Variants in LDLRAD4 observed in about 807,000 individuals in gnomAD.
LDLRAD4 encodes low-density lipoprotein receptor class A domain-containing protein 4.
In LDLRAD4, 5 loss-of-function variants were observed where a neutral mutation model predicts 17.0. That is an observed-to-expected ratio of 0.29 (90% CI 0.15 to 0.62). LDLRAD4 has a LOEUF of 0.62. LDLRAD4 is among the 20% of genes least tolerant of loss of function. The probability of loss-of-function intolerance (pLI) is 0.84; values close to 1 mark genes in which losing one functional copy is unlikely to be tolerated. For missense variants in LDLRAD4, 340 were observed against 424.7 expected (o/e 0.80, Z 1.75); for synonymous variants, 168 against 171.8 (o/e 0.98, Z 0.17).
Position 13,643,526 on chromosome 18 carries a change from A to G in LDLRAD4, c.390+114A>G, listed in dbSNP as rs931627014. 9.6e-6 allele frequency: 5 copies of G among 521,710 alleles called. No homozygotes were observed. In the African/African-American group the frequency reaches 9.9e-5, roughly 10 times the overall value. 32.3% of individuals were successfully genotyped at this position (521,710 alleles called of 1,614,324 possible). ...GGGAGGGGCCTCACCACGTGGGCTG[A>G]CACTTTTGGAGGAAGGCATTGCCTA... On this transcript the variant is annotated intron_variant, in intron 5 of 5. Coordinates refer to ENST00000359446, the Ensembl canonical transcript of LDLRAD4.
chr18:13,568,391 G>A (rs1262917608), intron 3 of LDLRAD4, among the ~76,000 whole-genome samples: 3 of 152,002 alleles, frequency 2.0e-5, no homozygotes, highest in Admixed American at 6.6e-5. Context: ...TATCTCTTTC[G>A]GCCCCACTCT....
At chr18:13,409,180 T>G (rs1005096100) in intron 2 of LDLRAD4, among the ~76,000 whole-genome samples, 3 of 152,180 alleles carry the variant, frequency 2.0e-5, no homozygotes, top group Non-Finnish European at 4.4e-5. Flanking sequence ...GTTTGTTTGT[T>G]TTTTCACTAG....
At chr18:13,240,729 GA>G (rs1328851447) in intron 1 of LDLRAD4, 1 of 152,302 alleles carries the variant, frequency 6.6e-6, no homozygotes, top group Non-Finnish European at 1.5e-5. Context: ...AGTGATCAGG[GA>G]CTCCCCTGTT....
chr18:13,634,773 CA>C (rs202132523), intron 4 of LDLRAD4, among the ~76,000 whole-genome samples: 5,163 of 121,846 alleles, frequency 0.042, 129 homozygotes, highest in East Asian at 0.083. Context: ...ACAATAATCT[CA>C]AAAAAAAAAA....
intron 1 of LDLRAD4, among the ~76,000 whole-genome samples, chr18:13,238,819 A>G (rs1479773869): frequency 6.6e-6 from 1 of 152,068 alleles, no homozygotes; most frequent in Non-Finnish European, 1.5e-5. Flanking sequence ...GCTCACTGAG[A>G]TGCCTCCTGC....
At chr18:13,302,106 A>G (rs1204497779) in intron 1 of LDLRAD4, among the ~76,000 whole-genome samples, 2 of 152,256 alleles carry the variant, frequency 1.3e-5, no homozygotes, top group Non-Finnish European at 2.9e-5. Context: ...TTTAACAACA[A>G]CAACAACACA....
intron 3 of LDLRAD4, among the ~76,000 whole-genome samples, chr18:13,592,526 GA>G (rs1401558929): frequency 6.6e-6 from 1 of 152,236 alleles, no homozygotes; most frequent in African/African-American, 2.4e-5. Context: ...GTAGCCACAT[GA>G]AAAGATCTGT....
chr18:13,621,051 A>C lies in LDLRAD4; in HGVS notation c.182-66A>C. On this transcript the variant is annotated intron_variant, in intron 3 of 5. Transcript: ENST00000359446. This position sits in a 1 kb window ranked among gnomAD's most constrained non-coding sequence, Gnocchi z 5.5. Reference sequence around the variant, plus strand: ...AGGGCCTGATGGCTGGGGTGGTGACAGTGCCTGGAGAATGGGTGGGGACTG... The same window carrying C: ...AGGGCCTGATGGCTGGGGTGGTGACCGTGCCTGGAGAATGGGTGGGGACTG... 6.2e-7 allele frequency: 1 copy of C among 1,610,080 alleles called. No homozygotes were observed. Among genetic ancestry groups the C allele is most frequent in the Non-Finnish European group, 8.5e-7 (1 of 1,177,186 alleles).
chr18:13,569,711 C>T (rs1389164410), intron 3 of LDLRAD4, among the ~76,000 whole-genome samples: 1 of 152,120 alleles, frequency 6.6e-6, no homozygotes, highest in African/African-American at 2.4e-5. Context: ...TGGTGAAACC[C>T]CTGTCTCTAC....
intron 2 of LDLRAD4, among the ~76,000 whole-genome samples, chr18:13,395,245 C>T (rs2145384274): frequency 6.6e-6 from 1 of 151,104 alleles, no homozygotes; most frequent in Non-Finnish European, 1.5e-5. Context: ...TAGTGGTGCT[C>T]GATAAATGTT....
intron 1 of LDLRAD4, among the ~76,000 whole-genome samples, chr18:13,346,728 C>A (rs2082713844): frequency 6.6e-6 from 1 of 152,150 alleles, no homozygotes; most frequent in South Asian, 2.1e-4. Flanking sequence ...CTTTGTAGGT[C>A]TCTAAGGACT....
At chr18:13,419,174 A>G (rs893042660) in intron 2 of LDLRAD4, among the ~76,000 whole-genome samples, 2 of 152,238 alleles carry the variant, frequency 1.3e-5, no homozygotes, top group African/African-American at 4.8e-5. Flanking sequence ...AATGGCATCT[A>G]TGCAGTTGGG....
chr18:13,332,001 G>C (rs765956726), intron 1 of LDLRAD4, among the ~76,000 whole-genome samples: 1 of 152,188 alleles, frequency 6.6e-6, no homozygotes, highest in Non-Finnish European at 1.5e-5. Context: ...GCACCTGCCA[G>C]ATGGCTTTAG....
intron 3 of LDLRAD4, chr18:13,471,750 C>T (rs1426398136): frequency 6.6e-6 from 1 of 152,388 alleles, no homozygotes; most frequent in African/African-American, 2.4e-5. Flanking sequence ...TGGGATGGCC[C>T]CGTGGCTTCT....
At chr18:13,547,675 C>T (rs1853538298) in intron 3 of LDLRAD4, among the ~76,000 whole-genome samples, 2 of 152,224 alleles carry the variant, frequency 1.3e-5, no homozygotes, top group South Asian at 2.1e-4. Context: ...CTGGACCAGG[C>T]ATACCACAAG....
chr18:13,567,401 T>C (rs2094619039), intron 3 of LDLRAD4, among the ~76,000 whole-genome samples: 2 of 152,240 alleles, frequency 1.3e-5, no homozygotes, highest in African/African-American at 4.8e-5. Context: ...TCGGCTTCAG[T>C]TCCTGAGGCC....
intron 1 of LDLRAD4, among the ~76,000 whole-genome samples, chr18:13,297,286 A>T (rs1039350429): frequency 7.9e-5 from 12 of 152,128 alleles, no homozygotes; most frequent in Non-Finnish European, 2.9e-5. Flanking sequence ...CGAGGTGGGG[A>T]TCATAGCACC....
At chr18:13,459,089 G>T (rs2092295889) in intron 3 of LDLRAD4, among the ~76,000 whole-genome samples, 1 of 148,598 alleles carries the variant, frequency 6.7e-6, no homozygotes, top group Admixed American at 6.8e-5. Flanking sequence ...GAAGGCCGAG[G>T]TGGGAGAATC....
intron 1 of LDLRAD4, among the ~76,000 whole-genome samples, chr18:13,244,211 C>G (rs1334165462): frequency 6.8e-6 from 1 of 146,188 alleles, no homozygotes; most frequent in African/African-American, 2.5e-5. Flanking sequence ...ATCCATCCAC[C>G]TACCCATCCA....
Sources: gnomAD v4.1 joint callset for allele counts (sites outside exome capture counted in the v4.1 genomes callset) on GRCh38, gnomAD v4.1.1 for gene constraint, Gnocchi (gnomAD v3.1) non-coding constraint, MANE v1.5 for transcripts, NCBI Gene and HGNC (gene_info 2026-07-23, HGNC 2026-07-21) for gene names.